CNTN5: variants seen among roughly 807,000 people sequenced by gnomAD.
CNTN5 encodes the protein contactin-5.
In CNTN5, 77 loss-of-function variants were observed where a neutral mutation model predicts 129.1. The ratio of observed to expected loss-of-function variants is 0.60; its 90% CI spans 0.50 to 0.72. CNTN5 has a LOEUF of 0.72. CNTN5 is among the 30% of genes least tolerant of loss of function. CNTN5 has a pLI of 0.00. For missense variants in CNTN5, 1,478 were observed against 1,328.8 expected, an observed-to-expected ratio of 1.11 and a Z score of -1.75; for synonymous variants, 509 against 465.6, an observed-to-expected ratio of 1.09 and a Z score of -1.20.
intron 2 of CNTN5, among the ~76,000 whole-genome samples, chr11:99,365,130 C>A (rs561684773): frequency 6.6e-4 from 101 of 152,260 alleles, no homozygotes; most frequent in African/African-American, 2.4e-3. Context: ...TCTGGCTTCA[C>A]TTTGCTCCCT....
chr11:99,999,083 G>A (rs1205903116), intron 8 of CNTN5, among the ~76,000 whole-genome samples: 1 of 151,860 alleles, frequency 6.6e-6, no homozygotes, highest in African/African-American at 2.4e-5. Context: ...TACCATTCAG[G>A]ACACAGGCAT....
At position 99,023,503 on chromosome 11, in the gene CNTN5, T is replaced by A. The variant is rs143212809; in HGVS notation, c.-210+2233T>A. Reference sequence around the variant, plus strand: ...CAAAGCATTTTGGAGTTTGTCTTACTTCTAGACAAAATAAAGGCATAATTT... The same window carrying A: ...CAAAGCATTTTGGAGTTTGTCTTACATCTAGACAAAATAAAGGCATAATTT... On this transcript the variant is annotated intron_variant, in intron 1 of 24. Transcript: ENST00000524871. 2.5e-3 allele frequency among the ~76,000 whole-genome samples: 383 copies of A among 152,300 alleles called. 1 individual carries two copies. The highest frequency in any genetic ancestry group is 8.8e-3 in the African/African-American group (367 of 41,568).
intron 6 of CNTN5, among the ~76,000 whole-genome samples, chr11:99,856,316 C>T (rs550912403): frequency 1.3e-5 from 2 of 152,158 alleles, no homozygotes; most frequent in East Asian, 1.9e-4. Context: ...GCAGTGTCAG[C>T]CTTGGTTCAA....
chr11:99,421,519 T>C (rs1942888114), intron 2 of CNTN5, among the ~76,000 whole-genome samples: 1 of 152,208 alleles, frequency 6.6e-6, no homozygotes, highest in Admixed American at 6.5e-5. Context: ...GAAACTAATT[T>C]CATATCAAGA....
At chr11:99,263,617 A>G (rs2135831280) in intron 1 of CNTN5, among the ~76,000 whole-genome samples, 1 of 152,096 alleles carries the variant, frequency 6.6e-6, no homozygotes, top group East Asian at 1.9e-4. Context: ...AAATTATTTT[A>G]TTTGATTTTT....
chr11:99,643,978 G>A (rs1227331101), intron 3 of CNTN5, among the ~76,000 whole-genome samples: 1 of 151,812 alleles, frequency 6.6e-6, no homozygotes, highest in African/African-American at 2.4e-5. Context: ...CCCATGCAAA[G>A]CCCATATTCT....
chr11:99,739,282 T>C (rs1943816147), intron 3 of CNTN5, among the ~76,000 whole-genome samples: 1 of 152,152 alleles, frequency 6.6e-6, no homozygotes, highest in Non-Finnish European at 1.5e-5. Flanking sequence ...AGTTCCTTTA[T>C]CAAGATGGTT....
intron 3 of CNTN5, among the ~76,000 whole-genome samples, chr11:99,740,238 G>T (rs1054277027): frequency 6.6e-6 from 1 of 152,006 alleles, no homozygotes; most frequent in African/African-American, 2.4e-5. Flanking sequence ...TTCTCTAAAG[G>T]GGTGTAGGAA....
intron 20 of CNTN5, among the ~76,000 whole-genome samples, chr11:100,303,906 T>G (rs74506958): frequency 9.2e-5 from 14 of 151,816 alleles, no homozygotes; most frequent in Non-Finnish European, 1.9e-4. Context: ...AAAGTTCAAC[T>G]ACAGCTGTCT....
At chr11:99,288,971 G>T (rs988545638) in intron 1 of CNTN5, among the ~76,000 whole-genome samples, 3 of 151,696 alleles carry the variant, frequency 2.0e-5, no homozygotes, top group Non-Finnish European at 4.4e-5. Flanking sequence ...TCCTCACAGA[G>T]CTATCATAAA....
At chr11:99,919,225 G>A (rs1402124249) in intron 7 of CNTN5, among the ~76,000 whole-genome samples, 2 of 148,550 alleles carry the variant, frequency 1.3e-5, no homozygotes, top group Admixed American at 6.9e-5. Context: ...ATATGCATTT[G>A]TTGCAGTTCT....
chr11:99,866,069 A>T (rs528845179), intron 6 of CNTN5, among the ~76,000 whole-genome samples: 1 of 152,338 alleles, frequency 6.6e-6, no homozygotes, highest in South Asian at 2.1e-4. Flanking sequence ...GGGTCATGTG[A>T]GGATGAGTTT....
intron 2 of CNTN5, among the ~76,000 whole-genome samples, chr11:99,554,394 CTGCTATCT>C (rs1291616752): frequency 6.6e-6 from 1 of 152,088 alleles, no homozygotes; most frequent in African/African-American, 2.4e-5. Flanking sequence ...CCAGTTTCTC[CTGCTATCT>C]TCATGAGTCA....
intron 1 of CNTN5, among the ~76,000 whole-genome samples, chr11:99,308,856 T>A (rs1019425163): frequency 6.6e-6 from 1 of 152,142 alleles, no homozygotes; most frequent in African/African-American, 2.4e-5. Flanking sequence ...AGCTTCAGTT[T>A]GCATATTTTT....
At chr11:100,237,896 T>A (rs1237198699) in intron 16 of CNTN5, among the ~76,000 whole-genome samples, 1 of 152,164 alleles carries the variant, frequency 6.6e-6, no homozygotes, top group African/African-American at 2.4e-5. Flanking sequence ...AATTTACCTT[T>A]AGAAACTTAT....
At chr11:99,223,850 G>A (rs1860534187) in intron 1 of CNTN5, among the ~76,000 whole-genome samples, 1 of 152,080 alleles carries the variant, frequency 6.6e-6, no homozygotes, top group South Asian at 2.1e-4. Flanking sequence ...TCAAATATTT[G>A]GAGGACCTCT....
intron 13 of CNTN5, among the ~76,000 whole-genome samples, chr11:100,075,320 G>A (rs1364176392): frequency 6.6e-6 from 1 of 152,076 alleles, no homozygotes; most frequent in Non-Finnish European, 1.5e-5. Context: ...ATGCTTCTTG[G>A]AAAGGGTGAT....
intron 2 of CNTN5, among the ~76,000 whole-genome samples, chr11:99,388,020 A>G (rs1018503823): frequency 1.3e-5 from 2 of 152,138 alleles, no homozygotes; most frequent in Non-Finnish European, 2.9e-5. Context: ...CCCTCTCTCT[A>G]TTCTTACAAC....
chr11:99,037,120 A>T (rs1863775648), intron 1 of CNTN5, among the ~76,000 whole-genome samples: 1 of 152,248 alleles, frequency 6.6e-6, no homozygotes, highest in African/African-American at 2.4e-5. Context: ...TTCTTCAATC[A>T]CATAAAATAA....
Sources: gnomAD v4.1 joint callset for allele counts (sites outside exome capture counted in the v4.1 genomes callset) on GRCh38, gnomAD v4.1.1 for gene constraint, MANE v1.5 for transcripts, NCBI Gene and HGNC (gene_info 2026-07-23, HGNC 2026-07-21) for gene names.